The following TNNT1 variants were observed in gnomAD, a reference collection of about 807,000 sequenced individuals.
TNNT1 encodes troponin T, slow skeletal muscle.
TNNT1 carries 53 observed loss-of-function variants against 50.6 expected under a neutral mutation model. The ratio of observed to expected loss-of-function variants is 1.05; its 90% CI spans 0.84 to 1.32. The LOEUF (loss-of-function observed/expected upper bound fraction) is 1.32. Ranked by LOEUF, TNNT1 falls within the 40% of genes most tolerant of loss-of-function variation. The pLI is 0.00. For missense variants in TNNT1, 348 were observed against 381.7 expected (o/e 0.91, Z 0.74); for synonymous variants, 142 against 138.0 (o/e 1.03, Z -0.20).
At chr19:55,135,641 C>T (rs990870135) in intron 11 of TNNT1, 1 of 159,932 alleles carries the variant, frequency 6.3e-6, no homozygotes, top group African/African-American at 2.4e-5. Flanking sequence ...ATTCTCCTGC[C>T]TCAGCCTCCA....
Position 55,147,165 on chromosome 19 carries a change from C to G in TNNT1, c.-8G>C. On this transcript the variant is annotated 5_prime_UTR_variant, in exon 2 of 14. Transcript: ENST00000588981. ...CTCCTCGGTGTCCGACATCCTGGTG[C>G]GGCCTAAGGACCAGAGAGAAGAGGC... 2 of 1,613,120 alleles carry G rather than the reference C, an allele frequency of 1.2e-6. No homozygotes were observed. Among genetic ancestry groups the G allele is most frequent in the Non-Finnish European group, 1.7e-6 (2 of 1,179,504 alleles).
chr19:55,141,239 A>C lies in TNNT1; in HGVS notation c.256T>G (p.Phe86Val), dbSNP rs1222022158. The change falls in exon 8 of 14, where the codon TTC (phenylalanine) becomes GTC (valine). Residue 86 changes from phenylalanine (F) to valine (V), a missense_variant. By Grantham distance (50) the Phe-to-Val change is conservative (BLOSUM62 -1). This residue lies in a region of TNNT1 where 253 missense variants were observed against 291.8 expected (regional missense o/e 0.87). Coordinates refer to ENST00000588981, the MANE Select transcript of TNNT1 (RefSeq NM_003283.6). ...LELQTLIDVHFEQRKKEEEEL... is the reference protein window; with the variant it reads ...LELQTLIDVHVEQRKKEEEEL... The stretch of plus-strand genomic sequence containing the variant: ...TCTTCCTCCTTCTTCCGCTGCTCGA[A>C]ATGTACATCGATGAGTGTCTGCAGC... The C allele has an allele frequency of 3.7e-6, 6 of 1,614,086 alleles. No homozygotes were observed. Among genetic ancestry groups the C allele is most frequent in the Admixed American group, 1.7e-5 (1 of 60,012 alleles).
At chr19:55,143,360 G>A (rs2085493167) in intron 6 of TNNT1, among the ~76,000 whole-genome samples, 1 of 152,118 alleles carries the variant, frequency 6.6e-6, no homozygotes. Flanking sequence ...GGGTGGTGCC[G>A]CTCTGAGGCT....
intron 9 of TNNT1, among the ~76,000 whole-genome samples, chr19:55,139,186 A>G (rs2742061): frequency 0.76 from 115,691 of 152,002 alleles, 44,914 homozygotes; most frequent in African/African-American, 0.93. Flanking sequence ...TTTTAGTACA[A>G]ACAGGGTTTC....
chr19:55,135,468 C>A, intron 11 of TNNT1: 1 of 327,700 alleles, frequency 3.1e-6, no homozygotes, highest in South Asian at 2.2e-5. Flanking sequence ...GCAGTGACAC[C>A]ATCACAGCTC....
chr19:55,145,797 C>G (rs1298793435), intron 5 of TNNT1, among the ~76,000 whole-genome samples: 1 of 151,866 alleles, frequency 6.6e-6, no homozygotes, highest in African/African-American at 2.4e-5. Flanking sequence ...ACATTCAGAA[C>G]TGGTGTGGGG....
chr19:55,148,431 C>T (rs1203099437), intron 1 of TNNT1, among the ~76,000 whole-genome samples: 2 of 151,936 alleles, frequency 1.3e-5, no homozygotes, highest in African/African-American at 4.8e-5. Flanking sequence ...TTTGAGACAC[C>T]CTAGGCCACA....
intron 6 of TNNT1, among the ~76,000 whole-genome samples, chr19:55,142,951 G>A (rs1357282831): frequency 6.6e-6 from 1 of 151,614 alleles, no homozygotes; most frequent in Admixed American, 6.6e-5. Context: ...ATCACTTGAG[G>A]TCAGGAGTTC....
At position 55,146,662 on chromosome 19, in the gene TNNT1, G is replaced by T; in HGVS notation, c.73+19C>A. ...CCCCCCACCCCCCAGCTCCAGACCT[G>T]CGGAGTCCGGGACCTCACCTTCCTC... On this transcript the variant is annotated intron_variant, in intron 4 of 13. Coordinates refer to ENST00000588981, the MANE Select transcript of TNNT1 (RefSeq NM_003283.6). The T allele has an allele frequency of 6.9e-7, 1 of 1,446,174 alleles. No individual in the cohort carries two copies. The allele number at this position is 1,446,174 out of a possible 1,614,324, so 89.6% of individuals were successfully genotyped here.
At chr19:55,146,630 T>TGG in intron 4 of TNNT1, 51 bp downstream of exon 4, 2 of 1,025,172 alleles carry the variant, frequency 2.0e-6, no homozygotes, top group Non-Finnish European at 2.8e-6. Context: ...GGGCCCAGCG[T>TGG]CCCCGCCCCC....
chr19:55,146,638 C>T (rs931129631), intron 4 of TNNT1, 43 bp downstream of exon 4: 4 of 1,243,526 alleles, frequency 3.2e-6, no homozygotes, highest in East Asian at 2.7e-5. Flanking sequence ...CGTCCCCGCC[C>T]CCCCACCCCC....
chr19:55,148,641 C>A (rs934871958), intron 1 of TNNT1, among the ~76,000 whole-genome samples: 1 of 152,004 alleles, frequency 6.6e-6, no homozygotes, highest in South Asian at 2.1e-4. Context: ...GAATATGAGA[C>A]CCCCAAAATC....
chr19:55,141,081 G>A, intron 8 of TNNT1, 105 bp downstream of exon 8: 1 of 1,479,592 alleles, frequency 6.8e-7, no homozygotes, highest in Non-Finnish European at 9.4e-7. Context: ...GAAAGCCTAA[G>A]GCTCAGCTCT....
intron 6 of TNNT1, among the ~76,000 whole-genome samples, chr19:55,142,298 T>G (rs944126768): frequency 6.6e-6 from 1 of 151,354 alleles, no homozygotes; most frequent in Non-Finnish European, 1.5e-5. Flanking sequence ...TTTTTCTGTA[T>G]TTTTAGTAGA....
intron 5 of TNNT1, among the ~76,000 whole-genome samples, chr19:55,146,079 T>C (rs2085545420): frequency 6.7e-6 from 1 of 150,172 alleles, no homozygotes; most frequent in South Asian, 2.1e-4. Context: ...AACCTTTGAA[T>C]GTATATGGGG....
At chr19:55,146,519 C>A in intron 4 of TNNT1, 53 bp from the exon 5 acceptor site, 2 of 1,191,128 alleles carry the variant, frequency 1.7e-6, no homozygotes, top group Non-Finnish European at 2.2e-6. Flanking sequence ...GGGGGAGCGG[C>A]CACGCCCGGG....
chr19:55,136,195 A>C (rs938788257), intron 11 of TNNT1, among the ~76,000 whole-genome samples: 1 of 152,152 alleles, frequency 6.6e-6, no homozygotes, highest in Non-Finnish European at 1.5e-5. Context: ...TATTAACACA[A>C]GGATAATAAT....
intron 2 of TNNT1, 45 bp from the exon 3 acceptor site, chr19:55,147,066 C>T (rs772882684): frequency 3.1e-6 from 5 of 1,613,262 alleles, no homozygotes; most frequent in Non-Finnish European, 3.4e-6. Flanking sequence ...AGAGTTAGAC[C>T]TGGGGTGGGA....
rs775510162 is a variant in TNNT1 at position 55,138,030 on chromosome 19, T to C, written c.432A>G (p.Ala144=). ...RKEEEEAKKR[A]EDDAKKKKVL... is the part of the protein sequence containing the mutation. ...CCTTCTTTTTCTTGGCATCATCCTC[T>C]GCCCGCTTCTTGGCCTCTTCCTCTT... is the stretch of plus-strand genomic sequence containing the variant. Residue 144 remains alanine, a synonymous_variant, in exon 10 of 14, where the codon GCA becomes GCG. Transcript: ENST00000588981. 4.3e-6 allele frequency: 7 copies of C among 1,614,224 alleles called. No individual in the cohort carries two copies. The South Asian group carries it at 7.7e-5, about 18-fold the overall frequency.
Sources: gnomAD v4.1 joint callset for allele counts (sites outside exome capture counted in the v4.1 genomes callset) on GRCh38, gnomAD v4.1.1 for gene constraint, gnomAD v4.1.1 regional missense constraint, MANE v1.5 for transcripts, NCBI Gene and HGNC (gene_info 2026-07-23, HGNC 2026-07-21) for gene names.